The following DOCK8 variants were observed in gnomAD, a reference collection of about 807,000 sequenced individuals.
DOCK8 encodes the protein dedicator of cytokinesis protein 8.
Under a neutral mutation model 245.6 loss-of-function variants are expected in DOCK8, and 141 were observed. The observed-to-expected ratio is 0.57, with a 90% CI of 0.50 to 0.66. The LOEUF is 0.66. Among genes scored for constraint, DOCK8 ranks in the 30% least tolerant of loss-of-function variants. DOCK8 has a pLI of 0.00. For missense variants in DOCK8, 2,965 were observed against 2,603.4 expected, an observed-to-expected ratio of 1.14 and a Z score of -3.02; for synonymous variants, 1,168 against 970.2, an observed-to-expected ratio of 1.20 and a Z score of -3.79.
Position 379,951 on chromosome 9 carries a change from G to A in DOCK8, c.2605+16G>A. 1 of 1,612,908 alleles carries A rather than the reference G, an allele frequency of 6.2e-7. No homozygotes were observed. The highest frequency in any genetic ancestry group is 8.5e-7 in the Non-Finnish European group (1 of 1,179,672). On this transcript the variant is annotated intron_variant, in intron 21 of 47. Transcript: ENST00000432829. ...CCCAAGTCAGGTAGAGTTGCCCTGA[G>A]TGTGGGACTCTGGTGGGCGGGGCAA...
chr9:233,282 T>C (rs1208579009), intron 1 of DOCK8, among the ~76,000 whole-genome samples: 1 of 152,084 alleles, frequency 6.6e-6, no homozygotes, highest in Admixed American at 6.5e-5. Context: ...TAATTTCTGT[T>C]CTTTTACATT....
chr9:259,323 T>G (rs1388040718), intron 1 of DOCK8, among the ~76,000 whole-genome samples: 2 of 152,126 alleles, frequency 1.3e-5, no homozygotes, highest in East Asian at 3.9e-4. Flanking sequence ...AAAATTCTAT[T>G]TTCCCACCTC....
At chr9:274,568 A>G (rs1184129527) in intron 2 of DOCK8, among the ~76,000 whole-genome samples, 1 of 150,906 alleles carries the variant, frequency 6.6e-6, no homozygotes, top group Non-Finnish European at 1.5e-5. Context: ...TTGTAATGTC[A>G]GAATGAAGTG....
At chr9:422,939 C>G (rs112880535) in intron 33 of DOCK8, among the ~76,000 whole-genome samples, 7,919 of 147,886 alleles carry the variant, frequency 0.054, 243 homozygotes, top group Middle Eastern at 0.074. Context: ...GAGCCAAGAT[C>G]GTGCCATTGC....
chr9:417,989 G>A (rs1312996006), intron 29 of DOCK8, 79 bp from the exon 30 acceptor site: 2 of 1,570,320 alleles, frequency 1.3e-6, no homozygotes, highest in African/African-American at 2.7e-5. Flanking sequence ...TGACTGAGAA[G>A]TATCAGTCTC....
In DOCK8 at chr9:433,921, T is replaced by G. The variant is rs776344294; in HGVS notation, c.4832T>G (p.Val1611Gly). 7 of 1,614,128 alleles carry G rather than the reference T, an allele frequency of 4.3e-6. No homozygotes were observed. The highest frequency in any genetic ancestry group is 5.9e-6 in the Non-Finnish European group (7 of 1,180,010). The part of the protein sequence containing the change: ...CNLNSILYDT[V>G]KMREFQEDPE... ...CTGAATAGCATCTTATATGACACAG[T>G]GAAAATGAGGGAATTTCAGGAAGAT... is the stretch of plus-strand genomic sequence containing the variant. Residue 1611 changes from valine (V) to glycine (G), a missense_variant, in exon 38 of 48, where the codon GTG becomes GGG. Physicochemically the swap from Val to Gly is moderately radical, Grantham distance 109 (BLOSUM62 -3). Around this residue, in one of 3 missense-constraint regions of DOCK8, gnomAD observed 2,825 missense variants for 2,453.5 expected, o/e 1.15. Coordinates refer to ENST00000432829, the MANE Select transcript of DOCK8 (RefSeq NM_203447.4).
Position 245,381 on chromosome 9 carries a change from A to AT in DOCK8, c.54-26239dup, listed in dbSNP as rs373375177. 3.9e-3 allele frequency among the ~76,000 whole-genome samples: 593 copies of AT among 151,560 alleles called. 5 individuals carry two copies. Among genetic ancestry groups the AT allele is most frequent in the African/African-American group, 0.014 (566 of 41,294 alleles). Reference sequence around the variant, plus strand: ...CACCATGCCTGGCTGATTTTTTTGTATTTTTTTGTACAGATGGTGTTTCAC... The same window carrying AT: ...CACCATGCCTGGCTGATTTTTTTGTATTTTTTTTGTACAGATGGTGTTTCAC... On this transcript the variant is annotated intron_variant, in intron 1 of 47. Coordinates refer to ENST00000432829, the MANE Select transcript of DOCK8 (RefSeq NM_203447.4).
upstream of DOCK8, among the ~76,000 whole-genome samples, chr9:212,619 T>C (rs757962942): frequency 9.2e-5 from 14 of 152,194 alleles, no homozygotes; most frequent in Middle Eastern, 3.2e-3. Context: ...TGGTGAATTG[T>C]TAAAAGAGTG....
At chr9:298,350 G>A (rs1444780394) in intron 4 of DOCK8, among the ~76,000 whole-genome samples, 1 of 152,140 alleles carries the variant, frequency 6.6e-6, no homozygotes, top group Non-Finnish European at 1.5e-5. Flanking sequence ...GCTTCAACTC[G>A]GGAGGCGGAG....
chr9:235,682 T>C (rs2047227553), intron 1 of DOCK8, among the ~76,000 whole-genome samples: 1 of 152,196 alleles, frequency 6.6e-6, no homozygotes, highest in African/African-American at 2.4e-5. Context: ...CGAGAGTCCA[T>C]GGGCATAGGA....
At chr9:356,442 A>G (rs1468233928) in intron 14 of DOCK8, among the ~76,000 whole-genome samples, 2 of 151,864 alleles carry the variant, frequency 1.3e-5, no homozygotes, top group Non-Finnish European at 2.9e-5. Flanking sequence ...AGGCAGGAGA[A>G]TAGCGTGAAC....
chr9:384,759 A>G (rs957126974), intron 22 of DOCK8, among the ~76,000 whole-genome samples: 10 of 152,084 alleles, frequency 6.6e-5, no homozygotes, highest in African/African-American at 9.7e-5. Context: ...TACTAAAAAT[A>G]CAAAAAATTA....
intron 28 of DOCK8, among the ~76,000 whole-genome samples, chr9:409,377 A>G (rs1257882957): frequency 6.6e-6 from 1 of 152,210 alleles, no homozygotes; most frequent in Non-Finnish European, 1.5e-5. Context: ...TCAAAACACA[A>G]CCCATTGCCG....
At chr9:266,088 G>A (rs2048028577) in intron 1 of DOCK8, among the ~76,000 whole-genome samples, 1 of 152,060 alleles carries the variant, frequency 6.6e-6, no homozygotes, top group African/African-American at 2.4e-5. Context: ...AAAGTTTAAC[G>A]TGCATTGTCT....
chr9:374,675 A>C (rs1367632524), intron 18 of DOCK8, among the ~76,000 whole-genome samples: 1 of 149,562 alleles, frequency 6.7e-6, no homozygotes, highest in African/African-American at 2.5e-5. Context: ...TATGCTGCTC[A>C]GGCTGGTCTC....
At chr9:271,861 G>C in intron 2 of DOCK8, 132 bp downstream of exon 2, 1 of 684,206 alleles carries the variant, frequency 1.5e-6, no homozygotes, top group African/African-American at 1.8e-5. Flanking sequence ...CTAACTCTGT[G>C]ACTGTGTCTG....
intron 14 of DOCK8, among the ~76,000 whole-genome samples, chr9:342,462 T>G (rs891753136): frequency 9.3e-5 from 3 of 32,204 alleles, no homozygotes; most frequent in Non-Finnish European, 1.3e-4. Context: ...TTTTTTGGGG[T>G]TTTTTTCGTT....
intron 1 of DOCK8, among the ~76,000 whole-genome samples, chr9:230,609 G>A (rs1055244541): frequency 3.9e-5 from 6 of 151,988 alleles, no homozygotes; most frequent in Admixed American, 6.6e-5. Flanking sequence ...GGTGTGAGAT[G>A]GTATCTCATT....
rs540541307 is a variant in DOCK8 at position 379,718 on chromosome 9, A to T, written c.2441-53A>T. ...ACTGTCCTGGAGAAACTTCCACCTC[A>T]GGCTCCTTAAGGACCAGCTGTGGGA... On this transcript the variant is annotated intron_variant, in intron 20 of 47. Coordinates refer to ENST00000432829, the MANE Select transcript of DOCK8 (RefSeq NM_203447.4). 6.9e-6 allele frequency: 11 copies of T among 1,598,928 alleles called. No individual in the cohort carries two copies. The African/African-American group carries it at 1.5e-4, about 21-fold the overall frequency.
Sources: allele counts gnomAD v4.1 joint callset (sites outside exome capture counted in the v4.1 genomes callset), GRCh38; gene constraint gnomAD v4.1.1; regional missense constraint gnomAD v4.1.1; transcripts MANE v1.5; gene names NCBI Gene and HGNC (gene_info 2026-07-23, HGNC 2026-07-21).